The following TDRD3 variants were observed in gnomAD, a reference collection of about 807,000 sequenced individuals.
The protein encoded by TDRD3 is tudor domain-containing protein 3.
A neutral mutation model predicts 86.7 loss-of-function variants in TDRD3; 45 were observed. The observed-to-expected ratio is 0.52, with a 90% CI of 0.41 to 0.67. The LOEUF is 0.67. TDRD3 is among the 30% of genes least tolerant of loss of function. TDRD3 has a pLI of 0.00. For missense variants in TDRD3, 814 were observed against 889.0 expected (o/e 0.92, Z 1.07); for synonymous variants, 298 against 301.7 (o/e 0.99, Z 0.13).
At chr13:60,475,225 A>G (rs1387857356) in intron 5 of TDRD3, among the ~76,000 whole-genome samples, 1 of 151,922 alleles carries the variant, frequency 6.6e-6, no homozygotes, top group African/African-American at 2.4e-5. Context: ...TAGCCTTCCA[A>G]CTTATTTCCT....
intron 3 of TDRD3, among the ~76,000 whole-genome samples, chr13:60,447,002 G>T (rs570641617): frequency 1.9e-4 from 29 of 152,240 alleles, no homozygotes; most frequent in African/African-American, 6.7e-4. Flanking sequence ...ACAACAGTTG[G>T]CAAACAGAAT....
At chr13:60,451,767 G>T (rs546539050) in intron 3 of TDRD3, among the ~76,000 whole-genome samples, 1 of 152,042 alleles carries the variant, frequency 6.6e-6, no homozygotes, top group Admixed American at 6.6e-5. Flanking sequence ...CATATCTTTT[G>T]TGGCACTTGA....
chr13:60,566,700 C>T (rs1387637887), intron 12 of TDRD3, among the ~76,000 whole-genome samples: 3 of 152,112 alleles, frequency 2.0e-5, no homozygotes, highest in Admixed American at 2.0e-4. Context: ...AATTCAAAAA[C>T]ATTTAAATAA....
chr13:60,399,054 G>A (rs569649166), intron 1 of TDRD3, among the ~76,000 whole-genome samples: 4 of 152,214 alleles, frequency 2.6e-5, no homozygotes, highest in East Asian at 1.9e-4. Context: ...TTTAGGTCCC[G>A]AACACGTGTT....
At chr13:60,426,911 A>G (rs1477460781) in intron 1 of TDRD3, among the ~76,000 whole-genome samples, 1 of 152,228 alleles carries the variant, frequency 6.6e-6, no homozygotes, top group African/African-American at 2.4e-5. Context: ...GCTATATGGC[A>G]TAGCCTGTTG....
chr13:60,535,080 A>G, intron 11 of TDRD3, 28 bp from the exon 12 acceptor site: 2 of 1,611,880 alleles, frequency 1.2e-6, no homozygotes, highest in Non-Finnish European at 1.7e-6. Context: ...ACCAGTTGTC[A>G]TATTTAAAAC....
At chr13:60,463,952 ATTAATGGC>A (rs753589055) in intron 4 of TDRD3, among the ~76,000 whole-genome samples, 3 of 152,200 alleles carry the variant, frequency 2.0e-5, no homozygotes, top group Non-Finnish European at 4.4e-5. Flanking sequence ...CAGAGCCCTC[ATTAATGGC>A]TTGGTGCCAT....
At chr13:60,521,265 T>G (rs1957279486) in intron 10 of TDRD3, among the ~76,000 whole-genome samples, 1 of 152,194 alleles carries the variant, frequency 6.6e-6, no homozygotes, top group East Asian at 1.9e-4. Flanking sequence ...GTTAAACAGA[T>G]AGCAATTTTG....
chr13:60,529,445 T>G (rs1257717491), intron 11 of TDRD3, among the ~76,000 whole-genome samples: 2 of 152,186 alleles, frequency 1.3e-5, no homozygotes, highest in Non-Finnish European at 2.9e-5. Context: ...TCGGTTTGGT[T>G]TTAGCTTACA....
At chr13:60,556,729 A>G (rs894597856) in intron 12 of TDRD3, among the ~76,000 whole-genome samples, 2 of 152,198 alleles carry the variant, frequency 1.3e-5, no homozygotes, top group Non-Finnish European at 1.5e-5. Flanking sequence ...TCTTAGTACT[A>G]GGTTATGCAG....
At chr13:60,489,385 T>C (rs912437730) in intron 7 of TDRD3, among the ~76,000 whole-genome samples, 2 of 152,206 alleles carry the variant, frequency 1.3e-5, no homozygotes, top group African/African-American at 4.8e-5. Context: ...TCCTATTTAA[T>C]TTTGAAGTGT....
intron 1 of TDRD3, among the ~76,000 whole-genome samples, chr13:60,427,171 CA>C (rs2137897369): frequency 6.6e-6 from 1 of 152,160 alleles, no homozygotes; most frequent in African/African-American, 2.4e-5. Flanking sequence ...TTCTTAAGAG[CA>C]AATAGCTGTA....
chr13:60,501,607 T>G (rs922789808), intron 8 of TDRD3, among the ~76,000 whole-genome samples: 1 of 152,212 alleles, frequency 6.6e-6, no homozygotes, highest in Non-Finnish European at 1.5e-5. Flanking sequence ...TAAACATCCT[T>G]CTTTTTAAAC....
chr13:60,462,090 A>C (rs1566210129), intron 4 of TDRD3, among the ~76,000 whole-genome samples: 1 of 152,190 alleles, frequency 6.6e-6, no homozygotes, highest in Non-Finnish European at 1.5e-5. Flanking sequence ...ATTTCTATAT[A>C]CAAAGGGAGA....
chr13:60,440,091 T>G (rs1427865026), intron 2 of TDRD3, among the ~76,000 whole-genome samples: 7 of 152,172 alleles, frequency 4.6e-5, no homozygotes, highest in Admixed American at 4.6e-4. Flanking sequence ...TTCATTAAAA[T>G]GAATTGCCAT....
chr13:60,433,360 T>G (rs1955001636), intron 1 of TDRD3, among the ~76,000 whole-genome samples: 1 of 152,212 alleles, frequency 6.6e-6, no homozygotes, highest in African/African-American at 2.4e-5. Flanking sequence ...ATGTCCAGTT[T>G]GTAAAATATT....
intron 12 of TDRD3, chr13:60,536,635 GCAGT>G (rs1311879177): frequency 6.6e-6 from 1 of 152,032 alleles, no homozygotes; most frequent in Non-Finnish European, 1.5e-5. Context: ...TTTAGCCATA[GCAGT>G]CAAAGATTGA....
At chr13:60,521,633 C>T (rs185311017) in intron 10 of TDRD3, among the ~76,000 whole-genome samples, 4 of 152,236 alleles carry the variant, frequency 2.6e-5, no homozygotes, top group South Asian at 2.1e-4. Context: ...CGGTGGCTCA[C>T]GCCTGTAATC....
intron 12 of TDRD3, among the ~76,000 whole-genome samples, chr13:60,562,791 G>A (rs1213935850): frequency 6.6e-6 from 1 of 152,112 alleles, no homozygotes; most frequent in Non-Finnish European, 1.5e-5. Context: ...TTAGGTGACA[G>A]TATTAAGTTT....
Sources: allele counts gnomAD v4.1 joint callset (sites outside exome capture counted in the v4.1 genomes callset), GRCh38; gene constraint gnomAD v4.1.1; transcripts MANE v1.5; gene names NCBI Gene and HGNC (gene_info 2026-07-23, HGNC 2026-07-21).